PPIP5K2: variants seen among roughly 807,000 people sequenced by gnomAD.
PPIP5K2 encodes diphosphoinositol pentakisphosphate kinase 2.
In PPIP5K2, 105 loss-of-function variants were observed where a neutral mutation model predicts 154.6. The ratio of observed to expected loss-of-function variants is 0.68; its 90% CI spans 0.58 to 0.80. The LOEUF (loss-of-function observed/expected upper bound fraction) is 0.80. Ranked by LOEUF, PPIP5K2 falls within the 30% of genes least tolerant of loss-of-function variation. The probability of loss-of-function intolerance (pLI) is 0.00; values close to 1 mark genes in which losing one functional copy is unlikely to be tolerated. For missense variants in PPIP5K2, 992 were observed against 1,504.6 expected (o/e 0.66, Z 5.64); for synonymous variants, 480 against 490.3 (o/e 0.98, Z 0.28).
At chr5:103,183,035 A>G (rs903680124) in intron 24 of PPIP5K2, among the ~76,000 whole-genome samples, 199 bp from the exon 25 acceptor site, 2 of 151,990 alleles carry the variant, frequency 1.3e-5, no homozygotes, top group Admixed American at 6.6e-5. Flanking sequence ...ATTCCTATCA[A>G]ATTCTCAAAT....
intron 21 of PPIP5K2, chr5:103,176,972 A>T: frequency 1.6e-6 from 2 of 1,269,502 alleles, no homozygotes; most frequent in South Asian, 1.4e-5. Context: ...ACTTCAGTGT[A>T]ATAGGGATAC....
At chr5:103,152,786 T>C in intron 10 of PPIP5K2, 37 bp downstream of exon 10, 1 of 1,360,306 alleles carries the variant, frequency 7.4e-7, no homozygotes. Context: ...AATTGAGTTT[T>C]CCTTGCCATC....
chr5:103,163,216 G>T (rs1205893923), intron 17 of PPIP5K2, among the ~76,000 whole-genome samples: 1 of 148,602 alleles, frequency 6.7e-6, no homozygotes, highest in African/African-American at 2.5e-5. Context: ...TTTTTCTCTA[G>T]TCTTTCAATC....
chr5:103,134,600 C>A lies in PPIP5K2; in HGVS notation c.310+952C>A, dbSNP rs74332690. On this transcript the variant is annotated intron_variant, in intron 3 of 30. Transcript: ENST00000358359. ...TTTTAGAGAACCTTAAAATTTCTTCCTCCTTGAGAGTAAAGCATTCTTCCC... is the reference window on the plus strand; with the variant it reads ...TTTTAGAGAACCTTAAAATTTCTTCATCCTTGAGAGTAAAGCATTCTTCCC... Among the ~76,000 whole-genome samples the A allele has an allele frequency of 4.9e-4, 74 of 152,252 alleles. 1 individual carries two copies. In the East Asian group the frequency reaches 0.014, roughly 29 times the overall value.
At chr5:103,156,961 G>A (rs1795509511) in intron 14 of PPIP5K2, among the ~76,000 whole-genome samples, 1 of 151,980 alleles carries the variant, frequency 6.6e-6, no homozygotes. Flanking sequence ...ATCACATTTT[G>A]TGGTTAATAG....
rs562539464 is a variant in PPIP5K2 at position 103,206,426 on chromosome 5, C to G, written c.*4792C>G. On this transcript the variant is annotated 3_prime_UTR_variant, in exon 31 of 31. Coordinates refer to ENST00000358359, the MANE Select transcript of PPIP5K2 (RefSeq NM_001276277.3). ...ATCTACTTCAGTGTGATTGAGCCAA[C>G]TTCTTTGATCATCTACTCACCCCTA... 1 of 152,162 alleles carries G rather than the reference C, an allele frequency of 6.6e-6. No homozygotes were observed. Among genetic ancestry groups the G allele is most frequent in the Non-Finnish European group, 1.5e-5 (1 of 68,034 alleles). 9.4% of individuals were successfully genotyped at this position (152,162 alleles called of 1,614,324 possible).
chr5:103,143,582 A>G (rs1422494917), intron 5 of PPIP5K2, among the ~76,000 whole-genome samples: 1 of 152,260 alleles, frequency 6.6e-6, no homozygotes, highest in Non-Finnish European at 1.5e-5. Flanking sequence ...GCAAGTCTTT[A>G]CCTATCAGTA....
chr5:103,186,078 A>G (rs144686040), intron 26 of PPIP5K2, among the ~76,000 whole-genome samples: 1 of 152,050 alleles, frequency 6.6e-6, no homozygotes, highest in Non-Finnish European at 1.5e-5. Flanking sequence ...TTTCTCAAAG[A>G]TAACATTTTG....
intron 29 of PPIP5K2, 135 bp downstream of exon 29, chr5:103,191,117 A>G: frequency 1.5e-6 from 1 of 670,728 alleles, no homozygotes; most frequent in South Asian, 3.0e-5. Flanking sequence ...GTAAAGGGAC[A>G]TTATTAGGAA....
chr5:103,126,099 C>CAAGTTATA (rs1789628175), intron 1 of PPIP5K2, among the ~76,000 whole-genome samples: 1 of 152,082 alleles, frequency 6.6e-6, no homozygotes, highest in African/African-American at 2.4e-5. Context: ...TGTTTCTTAC[C>CAAGTTATA]TGGAATGTTC....
intron 5 of PPIP5K2, 83 bp downstream of exon 5, chr5:103,138,552 G>A: frequency 2.6e-6 from 2 of 773,672 alleles, no homozygotes; most frequent in Non-Finnish European, 4.2e-6. Flanking sequence ...TAACTGGAAG[G>A]AATTTAAAGA....
rs149570366 is a variant in PPIP5K2, at chr5:103,139,841, C to G, written c.487+1372C>G. Among the ~76,000 whole-genome samples, 210 of 152,112 alleles carry G rather than the reference C, an allele frequency of 1.4e-3. 1 individual carries two copies. The highest frequency in any genetic ancestry group is 5.0e-3 in the African/African-American group (206 of 41,490). On this transcript the variant is annotated intron_variant, in intron 5 of 30. Coordinates refer to ENST00000358359, the MANE Select transcript of PPIP5K2 (RefSeq NM_001276277.3). ...AATTAACAAGGAGATTGAAATAATT[C>G]AAAACAAGCCAAAATTCTGGAACTG...
Position 103,162,361 on chromosome 5 carries a change from T to TG in PPIP5K2, c.1920+3033_1920+3034insG, listed in dbSNP as rs572859063. 1.7e-3 allele frequency among the ~76,000 whole-genome samples: 264 copies of TG among 151,290 alleles called. 2 individuals are homozygous for TG. The highest frequency in any genetic ancestry group is 3.2e-3 in the Admixed American group (48 of 15,204). On this transcript the variant is annotated intron_variant, in intron 17 of 30. Transcript: ENST00000358359. The stretch of plus-strand genomic sequence containing the variant: ...TCATGATGTGTTTTCTTTTTTTTTT[T>TG]TTTGTTTTTTTGTTTTGTAGAGACA...
At chr5:103,164,238 A>T (rs1796795033) in intron 17 of PPIP5K2, among the ~76,000 whole-genome samples, 1 of 151,826 alleles carries the variant, frequency 6.6e-6, no homozygotes, top group African/African-American at 2.4e-5. Context: ...ATAACATTAT[A>T]CTTTTTTCCT....
intron 19 of PPIP5K2, among the ~76,000 whole-genome samples, chr5:103,170,293 A>G (rs1372478957): frequency 1.3e-5 from 2 of 151,622 alleles, no homozygotes; most frequent in Non-Finnish European, 3.0e-5. Flanking sequence ...GAAGGAGTTG[A>G]GTCACCATTT....
chr5:103,189,913 A>G (rs187920591), intron 28 of PPIP5K2, among the ~76,000 whole-genome samples: 45 of 152,242 alleles, frequency 3.0e-4, no homozygotes, highest in South Asian at 2.1e-4. Context: ...TTTGAGTATT[A>G]TAAGTATTTA....
intron 4 of PPIP5K2, among the ~76,000 whole-genome samples, chr5:103,137,521 T>C (rs147847727): frequency 1.7e-3 from 258 of 152,268 alleles, no homozygotes; most frequent in African/African-American, 6.1e-3. Context: ...ATACTGTATA[T>C]CTTAGCATTC....
intron 1 of PPIP5K2, among the ~76,000 whole-genome samples, chr5:103,126,192 A>G (rs900976331): frequency 1.3e-5 from 2 of 152,188 alleles, no homozygotes; most frequent in Non-Finnish European, 2.9e-5. Flanking sequence ...TCTTTCTAAC[A>G]TGTATTTATT....
intron 6 of PPIP5K2, among the ~76,000 whole-genome samples, chr5:103,147,711 C>G (rs1198036479): frequency 6.6e-6 from 1 of 151,758 alleles, no homozygotes; most frequent in Non-Finnish European, 1.5e-5. Flanking sequence ...TCTTAATGTT[C>G]ATTGTATTTC....
Sources: gnomAD v4.1 joint callset for allele counts (sites outside exome capture counted in the v4.1 genomes callset) on GRCh38, gnomAD v4.1.1 for gene constraint, MANE v1.5 for transcripts, NCBI Gene and HGNC (gene_info 2026-07-23, HGNC 2026-07-21) for gene names.